FOXP1: variants seen among roughly 807,000 people sequenced by gnomAD.
FOXP1 encodes forkhead box protein P1.
A neutral mutation model predicts 98.2 loss-of-function variants in FOXP1; 15 were observed. That is an observed-to-expected ratio of 0.15 (90% CI 0.10 to 0.24). FOXP1 has a LOEUF of 0.24. FOXP1 is among the 10% of genes least tolerant of loss of function. The pLI, the probability that FOXP1 is intolerant of heterozygous loss-of-function variation, is 1.00. For missense variants in FOXP1, 633 were observed against 848.5 expected (o/e 0.75, Z 3.15); for synonymous variants, 371 against 314.5 (o/e 1.18, Z -1.90).
At position 71,373,753 on chromosome 3, in the gene FOXP1, C is replaced by G. The variant is rs140846572; in HGVS notation, c.-167-14509G>C. Among the ~76,000 whole-genome samples, 18 of 152,172 alleles carry G rather than the reference C, an allele frequency of 1.2e-4. No homozygotes were observed. The East Asian group carries it at 3.5e-3, about 29-fold the overall frequency. On this transcript the variant is annotated intron_variant, in intron 3 of 20. Coordinates refer to ENST00000649528, the MANE Select transcript of FOXP1 (RefSeq NM_001349338.3). Reference sequence around the variant, plus strand: ...CTTGCTAGTCCACATGCTTGTTGAGCCTATGAATGTTTCTGGACACGCATC... The same window carrying G: ...CTTGCTAGTCCACATGCTTGTTGAGGCTATGAATGTTTCTGGACACGCATC...
chr3:71,242,199 C>G (rs1193108618), intron 5 of FOXP1, among the ~76,000 whole-genome samples: 1 of 152,184 alleles, frequency 6.6e-6, no homozygotes, highest in African/African-American at 2.4e-5. Context: ...TTACTAACCC[C>G]CCATATTCAT....
chr3:70,972,058 ACGGCCTCGTTGAATATGG>A (rs1476357536), intron 18 of FOXP1: 1 of 1,508,896 alleles, frequency 6.6e-7, no homozygotes, highest in Non-Finnish European at 8.8e-7. Flanking sequence ...ATTTGCGAGG[ACGGCCTCGTTGAATATGG>A]CGGCCACGTT....
chr3:71,157,223 C>T (rs2060868743), intron 6 of FOXP1, among the ~76,000 whole-genome samples: 1 of 152,006 alleles, frequency 6.6e-6, no homozygotes, highest in African/African-American at 2.4e-5. Flanking sequence ...AGTGTTGGAA[C>T]ACAGAACGAA....
chr3:71,583,895 C>G (rs1322497445), upstream of FOXP1: 16 of 985,048 alleles, frequency 1.6e-5, no homozygotes, highest in Non-Finnish European at 1.2e-6. Flanking sequence ...GGGGTCCCCT[C>G]TCCGCTTCAC....
chr3:71,057,222 T>A (rs536969001), intron 7 of FOXP1, among the ~76,000 whole-genome samples: 17 of 150,784 alleles, frequency 1.1e-4, no homozygotes, highest in Non-Finnish European at 2.1e-4. Context: ...AAAACAGTCA[T>A]GTGAGTTTTT....
chr3:70,972,785 G>T lies in FOXP1; in HGVS notation c.1531-109C>A. On this transcript the variant is annotated intron_variant, in intron 17 of 20. Transcript: ENST00000649528. The stretch of plus-strand genomic sequence containing the variant: ...CACATTTGTAAAACCATCCCCAAGA[G>T]CTGTAGCTACCACCCCCGTGGAGGA... 6 of 1,131,748 alleles carry T rather than the reference G, an allele frequency of 5.3e-6. No individual in the cohort carries two copies. The South Asian group carries it at 8.4e-5, about 16-fold the overall frequency. 70.1% of individuals were successfully genotyped at this position (1,131,748 alleles called of 1,614,324 possible).
chr3:71,304,506 T>C (rs922371360), intron 4 of FOXP1, among the ~76,000 whole-genome samples: 2 of 152,218 alleles, frequency 1.3e-5, no homozygotes, highest in Non-Finnish European at 2.9e-5. Flanking sequence ...ATAGCTATTG[T>C]CATGGAAAGT....
intron 12 of FOXP1, 58 bp downstream of exon 12, chr3:71,015,491 T>C: frequency 2.5e-6 from 3 of 1,190,158 alleles, no homozygotes; most frequent in Non-Finnish European, 3.7e-6. Flanking sequence ...GAGCAAAGCA[T>C]GAACGGTGGG....
At chr3:71,224,819 T>C (rs1377153457) in intron 5 of FOXP1, among the ~76,000 whole-genome samples, 1 of 152,214 alleles carries the variant, frequency 6.6e-6, no homozygotes, top group Non-Finnish European at 1.5e-5. Flanking sequence ...GACTGGTTGT[T>C]GTGACAAGGT....
chr3:71,534,381 A>C (rs927440105), intron 2 of FOXP1, among the ~76,000 whole-genome samples: 15 of 151,974 alleles, frequency 9.9e-5, no homozygotes, highest in African/African-American at 2.4e-4. Context: ...ACAACAACAA[A>C]AAACCCTAAG....
intron 7 of FOXP1, among the ~76,000 whole-genome samples, chr3:71,081,330 C>T (rs1179206433): frequency 2.0e-5 from 3 of 151,992 alleles, no homozygotes; most frequent in Admixed American, 6.6e-5. Flanking sequence ...CCTGGTCATC[C>T]GAATTAAGAA....
intron 7 of FOXP1, among the ~76,000 whole-genome samples, chr3:71,087,373 C>T (rs1050479978): frequency 6.6e-6 from 1 of 152,178 alleles, no homozygotes; most frequent in Admixed American, 6.5e-5. Context: ...CAACAAAATA[C>T]CGGTTTTGTC....
intron 5 of FOXP1, among the ~76,000 whole-genome samples, chr3:71,241,343 A>G (rs1489323588): frequency 6.6e-6 from 1 of 152,150 alleles, no homozygotes; most frequent in Non-Finnish European, 1.5e-5. Flanking sequence ...ACGGTGGGGG[A>G]AAAGCCATCA....
chr3:71,005,313 T>A (rs1422797160), intron 12 of FOXP1, among the ~76,000 whole-genome samples: 1 of 2,772 alleles, frequency 3.6e-4, no homozygotes, highest in Non-Finnish European at 1.1e-3. Flanking sequence ...AATACCTGAT[T>A]TAAAAAAAAA....
chr3:70,976,909 A>C, intron 17 of FOXP1, 32 bp downstream of exon 17: 1 of 1,481,700 alleles, frequency 6.7e-7, no homozygotes, highest in South Asian at 1.1e-5. Flanking sequence ...GAACGTCAAG[A>C]TCCAAGAATA....
chr3:70,982,815 C>CA (rs2039098588), intron 14 of FOXP1, among the ~76,000 whole-genome samples: 1 of 151,912 alleles, frequency 6.6e-6, no homozygotes, highest in Non-Finnish European at 1.5e-5. Context: ...CTGACAGAAA[C>CA]AGACTTGTAA....
At chr3:71,352,285 G>A (rs2077835134) in intron 4 of FOXP1, among the ~76,000 whole-genome samples, 1 of 151,844 alleles carries the variant, frequency 6.6e-6, no homozygotes, top group African/African-American at 2.4e-5. Context: ...GGCCAACATG[G>A]CAAAATCCTG....
At chr3:70,980,167 G>A (rs1367730774) in intron 14 of FOXP1, among the ~76,000 whole-genome samples, 1 of 152,116 alleles carries the variant, frequency 6.6e-6, no homozygotes, top group Non-Finnish European at 1.5e-5. Context: ...CCGCAGGATG[G>A]GGCAGAGCTG....
intron 3 of FOXP1, among the ~76,000 whole-genome samples, chr3:71,462,549 G>A (rs942476508): frequency 6.6e-6 from 1 of 152,134 alleles, no homozygotes; most frequent in Non-Finnish European, 1.5e-5. Flanking sequence ...AACTTTCTAA[G>A]ACAGAATAAA....
Sources: gnomAD v4.1 joint callset for allele counts (sites outside exome capture counted in the v4.1 genomes callset) on GRCh38, gnomAD v4.1.1 for gene constraint, MANE v1.5 for transcripts, NCBI Gene and HGNC (gene_info 2026-07-23, HGNC 2026-07-21) for gene names.